The following KAZN variants were observed in gnomAD, a reference collection of about 807,000 sequenced individuals.
KAZN encodes kazrin.
Under a neutral mutation model 87.4 loss-of-function variants are expected in KAZN, and 40 were observed. That is an observed-to-expected ratio of 0.46 (90% CI 0.36 to 0.60). The LOEUF is 0.60. Among genes scored for constraint, KAZN ranks in the 20% least tolerant of loss-of-function variants. The pLI is 0.00. For missense variants in KAZN, 898 were observed against 1,073.9 expected (o/e 0.84, Z 2.29); for synonymous variants, 466 against 458.3 (o/e 1.02, Z -0.22).
chr1:14,935,450 TC>T (rs959044062), intron 1 of KAZN, among the ~76,000 whole-genome samples: 1 of 149,158 alleles, frequency 6.7e-6, no homozygotes, highest in Non-Finnish European at 1.5e-5. Context: ...CCATCGATTC[TC>T]AAGGTGTGCC....
At chr1:14,154,962 C>CTTCCTTCCTTCT (rs1171580630) in intron 1 of KAZN, among the ~76,000 whole-genome samples, 4 of 149,026 alleles carry the variant, frequency 2.7e-5, no homozygotes. Context: ...TTCTTCCTTC[C>CTTCCTTCCTTCT]TTCCTTCCTT....
chr1:14,434,301 T>A (rs537203554), intron 2 of KAZN, among the ~76,000 whole-genome samples: 1 of 152,228 alleles, frequency 6.6e-6, no homozygotes, highest in South Asian at 2.1e-4. Flanking sequence ...TGCTGCCACC[T>A]CCCTTACCGG....
At chr1:15,018,134 A>G (rs930228838) in intron 2 of KAZN, among the ~76,000 whole-genome samples, 1 of 152,044 alleles carries the variant, frequency 6.6e-6, no homozygotes, top group African/African-American at 2.4e-5. Context: ...TCTATCTCAG[A>G]AGTCTAAAGT....
chr1:13,899,863 C>T (rs113702737), intron 1 of KAZN, among the ~76,000 whole-genome samples: 2 of 152,140 alleles, frequency 1.3e-5, no homozygotes, highest in African/African-American at 2.4e-5. Flanking sequence ...AGTCTGGTCT[C>T]GAACTCCTGA....
chr1:15,110,533 G>T (rs371035077), intron 13 of KAZN, among the ~76,000 whole-genome samples: 2 of 117,594 alleles, frequency 1.7e-5, no homozygotes, highest in African/African-American at 6.5e-5. Context: ...ATGTGTTTGT[G>T]TGTGTGCATA....
intron 1 of KAZN, among the ~76,000 whole-genome samples, chr1:14,952,902 C>T (rs1183866695): frequency 6.6e-6 from 1 of 152,160 alleles, no homozygotes; most frequent in East Asian, 1.9e-4. Flanking sequence ...GAGATGATTG[C>T]TTTGTTTAAT....
At chr1:14,559,871 T>A (rs2148525955) in intron 2 of KAZN, among the ~76,000 whole-genome samples, 1 of 152,318 alleles carries the variant, frequency 6.6e-6, no homozygotes, top group South Asian at 2.1e-4. Context: ...ACAAACAATG[T>A]GAGAATTGGA....
intron 2 of KAZN, chr1:14,223,033 T>C (rs1207384947): frequency 6.6e-6 from 1 of 152,174 alleles, no homozygotes; most frequent in Non-Finnish European, 1.5e-5. Flanking sequence ...CTAAAGGTAC[T>C]CTAGGGCTGA....
chr1:14,260,754 A>G (rs1002014133), intron 2 of KAZN, among the ~76,000 whole-genome samples: 11 of 152,196 alleles, frequency 7.2e-5, no homozygotes, highest in Admixed American at 7.2e-4. Flanking sequence ...TGCACTATGT[A>G]TATAGTCGCT....
intron 2 of KAZN, among the ~76,000 whole-genome samples, chr1:15,006,899 A>G (rs1445483132): frequency 6.6e-6 from 1 of 151,976 alleles, no homozygotes; most frequent in Non-Finnish European, 1.5e-5. Context: ...TACTAAAAAT[A>G]CAAAAAAACT....
rs546863552 is a variant in KAZN, at chr1:13,958,683, G to A, written c.91+64927G>A. Among the ~76,000 whole-genome samples, 6 of 152,250 alleles carry A rather than the reference G, an allele frequency of 3.9e-5. No individual in the cohort carries two copies. In the South Asian group the frequency reaches 1.2e-3, roughly 32 times the overall value. On this transcript the variant is annotated intron_variant, in intron 1 of 16. Coordinates refer to the KAZN transcript ENST00000636203. The stretch of plus-strand genomic sequence containing the variant: ...TATTTAAGCAGAGACTAGGGGGTTA[G>A]GTAGGAATCATCCAGCCTGGGAGAA...
chr1:14,732,166 A>G (rs1643706764), intron 1 of KAZN, among the ~76,000 whole-genome samples: 1 of 152,206 alleles, frequency 6.6e-6, no homozygotes, highest in Admixed American at 6.5e-5. Flanking sequence ...CTTTGATGAC[A>G]GCATTTGTTT....
intron 1 of KAZN, among the ~76,000 whole-genome samples, chr1:14,789,418 C>T (rs1010582765): frequency 6.6e-6 from 1 of 152,146 alleles, no homozygotes; most frequent in African/African-American, 2.4e-5. Flanking sequence ...CCCACATGCC[C>T]CACTGTCCAG....
chr1:14,799,584 C>T (rs1048145334), intron 1 of KAZN, among the ~76,000 whole-genome samples: 11 of 152,144 alleles, frequency 7.2e-5, no homozygotes, highest in Non-Finnish European at 1.5e-4. Context: ...TGATCAGAAA[C>T]GGGCCTGGCC....
At chr1:14,410,111 T>C (rs1664186200) in intron 2 of KAZN, among the ~76,000 whole-genome samples, 2 of 152,164 alleles carry the variant, frequency 1.3e-5, no homozygotes, top group African/African-American at 4.8e-5. Flanking sequence ...TCCAATTTAT[T>C]TATTTATTTT....
intron 2 of KAZN, among the ~76,000 whole-genome samples, chr1:14,231,605 C>T (rs549275572): frequency 1.1e-4 from 16 of 152,246 alleles, no homozygotes; most frequent in South Asian, 4.2e-4. Flanking sequence ...AGCCCTCAGC[C>T]GATGCATCTA....
In KAZN at chr1:14,073,726, G is replaced by GA. The variant is rs368840490; in HGVS notation, c.92-106707dup. On this transcript the variant is annotated intron_variant, in intron 1 of 16. Transcript: ENST00000636203. The stretch of plus-strand genomic sequence containing the variant: ...TCATCCGTGTCCCTGCAAAGGACAT[G>GA]AACTCATCTTTTTTATGGCTGAATA... Among the ~76,000 whole-genome samples, 389 of 152,272 alleles carry GA rather than the reference G, an allele frequency of 2.6e-3. 3 individuals are homozygous for GA. Among genetic ancestry groups the GA allele is most frequent in the African/African-American group, 8.8e-3 (367 of 41,552 alleles).
intron 1 of KAZN, among the ~76,000 whole-genome samples, chr1:14,864,513 G>T (rs1304294540): frequency 2.6e-5 from 4 of 152,184 alleles, no homozygotes; most frequent in Non-Finnish European, 5.9e-5. Flanking sequence ...AGTGAGCAGA[G>T]ATTGTGCCAC....
intron 1 of KAZN, among the ~76,000 whole-genome samples, chr1:14,047,006 T>C (rs1453225578): frequency 2.0e-5 from 3 of 152,228 alleles, no homozygotes; most frequent in Non-Finnish European, 4.4e-5. Flanking sequence ...CAAAGTCTTC[T>C]CTGTCCAGTG....
Sources: gnomAD v4.1 joint callset for allele counts (sites outside exome capture counted in the v4.1 genomes callset) on GRCh38, gnomAD v4.1.1 for gene constraint, MANE v1.5 for transcripts, NCBI Gene and HGNC (gene_info 2026-07-23, HGNC 2026-07-21) for gene names.